Variants in COL21A1 observed in about 807,000 individuals in gnomAD.
COL21A1 encodes collagen alpha-1(XXI) chain.
A neutral mutation model predicts 137.9 loss-of-function variants in COL21A1; 149 were observed. The ratio of observed to expected loss-of-function variants is 1.08; its 90% CI spans 0.95 to 1.24. COL21A1 has a LOEUF of 1.24. Among genes scored for constraint, COL21A1 ranks in the 50% most tolerant of loss-of-function variants. The pLI, the probability that COL21A1 is intolerant of heterozygous loss-of-function variation, is 0.00. For missense variants in COL21A1, 1,167 were observed against 1,158.4 expected (o/e 1.01, Z -0.11); for synonymous variants, 456 against 391.5 (o/e 1.16, Z -1.95).
intron 9 of COL21A1, among the ~76,000 whole-genome samples, 182 bp downstream of exon 9, chr6:56,164,240 TC>T (rs1582528685): frequency 6.6e-6 from 1 of 152,188 alleles, no homozygotes; most frequent in East Asian, 1.9e-4. Flanking sequence ...TCAAAAGGTA[TC>T]CTAATCTAGG....
chr6:56,268,789 G>T (rs1052784897), intron 1 of COL21A1, among the ~76,000 whole-genome samples: 4 of 152,310 alleles, frequency 2.6e-5, no homozygotes, highest in African/African-American at 9.6e-5. Flanking sequence ...TAATCAGAAT[G>T]ATATGATAGA....
chr6:56,113,153 G>C lies in COL21A1; in HGVS notation c.1758+10909C>G, dbSNP rs551925904. ...CTGCAACTCATAAAAGAATCCTAGTGCTGAACTAGGCCCACAGACAGTAGA... is the reference window on the plus strand; with the variant it reads ...CTGCAACTCATAAAAGAATCCTAGTCCTGAACTAGGCCCACAGACAGTAGA... On this transcript the variant is annotated intron_variant, in intron 16 of 29. Coordinates refer to ENST00000244728, the MANE Select transcript of COL21A1 (RefSeq NM_030820.4). Among the ~76,000 whole-genome samples the C allele has an allele frequency of 5.3e-5, 8 of 152,318 alleles. No individual in the cohort carries two copies. The South Asian group carries it at 1.7e-3, about 32-fold the overall frequency.
chr6:56,389,779 CAT>C (rs748999355), intron 1 of COL21A1, among the ~76,000 whole-genome samples: 3 of 152,132 alleles, frequency 2.0e-5, no homozygotes, highest in Non-Finnish European at 4.4e-5. Context: ...AATGGGATAA[CAT>C]ATTCAACATC....
intron 3 of COL21A1, among the ~76,000 whole-genome samples, chr6:56,172,649 A>G (rs1200565316): frequency 2.0e-5 from 3 of 152,192 alleles, no homozygotes; most frequent in Non-Finnish European, 4.4e-5. Context: ...ATACTGTAAC[A>G]GTGTGCATAA....
chr6:56,083,720 T>C (rs1013586749), intron 17 of COL21A1, among the ~76,000 whole-genome samples: 35 of 151,916 alleles, frequency 2.3e-4, no homozygotes, highest in African/African-American at 8.0e-4. Context: ...CTACTAATAC[T>C]AAGTCAATAA....
At chr6:56,332,873 T>C (rs187629687) in intron 1 of COL21A1, among the ~76,000 whole-genome samples, 3 of 152,224 alleles carry the variant, frequency 2.0e-5, no homozygotes, top group Admixed American at 1.3e-4. Flanking sequence ...TATGTTCTCA[T>C]ACCAACTACT....
chr6:56,088,589 G>T (rs1768488184), intron 17 of COL21A1, among the ~76,000 whole-genome samples: 1 of 151,982 alleles, frequency 6.6e-6, no homozygotes, highest in Non-Finnish European at 1.5e-5. Flanking sequence ...ATCTCAAAAT[G>T]GTGGGCAATT....
At chr6:56,088,577 T>C (rs1768487627) in intron 17 of COL21A1, among the ~76,000 whole-genome samples, 1 of 152,062 alleles carries the variant, frequency 6.6e-6, no homozygotes. Context: ...TTACACTGTA[T>C]TATCTCAAAA....
At chr6:56,282,331 T>C (rs1181529798) in intron 1 of COL21A1, among the ~76,000 whole-genome samples, 2 of 151,578 alleles carry the variant, frequency 1.3e-5, no homozygotes, top group African/African-American at 4.9e-5. Context: ...AAATTTCTTC[T>C]TGTACATTAA....
intron 1 of COL21A1, among the ~76,000 whole-genome samples, chr6:56,360,405 C>T (rs911119341): frequency 2.0e-5 from 3 of 152,120 alleles, no homozygotes; most frequent in Non-Finnish European, 4.4e-5. Flanking sequence ...TGAACAGGCC[C>T]TTTTATTAAA....
upstream of COL21A1, among the ~76,000 whole-genome samples, chr6:56,252,542 C>T (rs1782878402): frequency 1.3e-5 from 2 of 152,182 alleles, no homozygotes; most frequent in African/African-American, 4.8e-5. Context: ...TCAGACAAAG[C>T]TGCAGAGACC....
At chr6:56,249,735 G>A (rs1054072497), upstream of COL21A1, among the ~76,000 whole-genome samples, 4 of 152,164 alleles carry the variant, frequency 2.6e-5, no homozygotes, top group East Asian at 5.8e-4. Context: ...GGAAGAAATG[G>A]GAGTGAGTGT....
chr6:56,124,630 TTTTG>T (rs10624734), intron 14 of COL21A1, among the ~76,000 whole-genome samples: 11,838 of 150,580 alleles, frequency 0.079, 497 homozygotes, highest in Admixed American at 0.11. Flanking sequence ...TGGACATGTT[TTTTG>T]TTTGTTTGTT....
chr6:56,121,560 GTA>G (rs150897399), intron 16 of COL21A1, among the ~76,000 whole-genome samples: 22,863 of 142,738 alleles, frequency 0.16, 1,920 homozygotes, highest in Middle Eastern at 0.24. Context: ...ATGTATATGT[GTA>G]TATATATATA....
chr6:56,151,301 T>A (rs1254637864), intron 10 of COL21A1, among the ~76,000 whole-genome samples: 1 of 152,118 alleles, frequency 6.6e-6, no homozygotes, highest in Non-Finnish European at 1.5e-5. Context: ...TGTAAAAATA[T>A]AAACTTCTAT....
chr6:56,292,007 A>G (rs1246675305), intron 1 of COL21A1, among the ~76,000 whole-genome samples: 1 of 152,120 alleles, frequency 6.6e-6, no homozygotes, highest in Non-Finnish European at 1.5e-5. Context: ...TGTCTCTGCT[A>G]AAAACACAAA....
Position 56,166,990 on chromosome 6 carries a change from A to G in COL21A1, c.1201-7T>C, listed in dbSNP as rs778667635. 6.2e-7 allele frequency: 1 copy of G among 1,605,258 alleles called. No homozygotes were observed. On this transcript the variant is annotated splice_region_variant and splice_polypyrimidine_tract_variant and intron_variant, in intron 6 of 29. Transcript: ENST00000244728. The stretch of plus-strand genomic sequence containing the variant: ...GCAACTTTTGGACATCAAACTAAGA[A>G]CATAAACCCAGTAGAATTAAAGTTG...
intron 17 of COL21A1, among the ~76,000 whole-genome samples, chr6:56,091,314 A>G (rs971034988): frequency 6.6e-6 from 1 of 152,214 alleles, no homozygotes; most frequent in Non-Finnish European, 1.5e-5. Flanking sequence ...AAAGACAAGC[A>G]TAACATGTGG....
intron 1 of COL21A1, among the ~76,000 whole-genome samples, chr6:56,190,077 A>T (rs755552936): frequency 6.6e-6 from 1 of 152,164 alleles, no homozygotes; most frequent in Non-Finnish European, 1.5e-5. Flanking sequence ...GCAGAAGACA[A>T]GAAATAACTA....
Sources: gnomAD v4.1 joint callset for allele counts (sites outside exome capture counted in the v4.1 genomes callset) on GRCh38, gnomAD v4.1.1 for gene constraint, MANE v1.5 for transcripts, NCBI Gene and HGNC (gene_info 2026-07-23, HGNC 2026-07-21) for gene names.